Variants in NELL1 observed in about 807,000 individuals in gnomAD.
NELL1 encodes protein kinase C-binding protein NELL1.
NELL1 carries 76 observed loss-of-function variants against 107.4 expected under a neutral mutation model. The ratio of observed to expected loss-of-function variants is 0.71; its 90% confidence interval spans 0.59 to 0.86. The LOEUF (loss-of-function observed/expected upper bound fraction) is 0.86, where lower values mean the gene tolerates loss of function less well. Among genes scored for constraint, NELL1 ranks in the 40% least tolerant of loss-of-function variants. NELL1 has a pLI of 0.00. For missense variants in NELL1, 1,024 were observed against 1,005.5 expected (o/e 1.02, Z -0.25); for synonymous variants, 353 against 341.2 (o/e 1.03, Z -0.38).
chr11:21,513,401 T>C (rs558127812), intron 15 of NELL1, among the ~76,000 whole-genome samples: 1 of 152,312 alleles, frequency 6.6e-6, no homozygotes, highest in African/African-American at 2.4e-5. Flanking sequence ...TCTGTGTGTG[T>C]GAGAGAGACA....
chr11:21,335,762 T>A (rs948353420), intron 14 of NELL1, among the ~76,000 whole-genome samples: 1 of 152,100 alleles, frequency 6.6e-6, no homozygotes, highest in Non-Finnish European at 1.5e-5. Flanking sequence ...CAAGCCATTA[T>A]GTTTTGTATA....
chr11:21,243,330 T>G (rs1253501669), intron 14 of NELL1, among the ~76,000 whole-genome samples: 2 of 149,588 alleles, frequency 1.3e-5, no homozygotes, highest in Admixed American at 1.3e-4. Context: ...CATATCTTTC[T>G]GAAGCATAGG....
intron 2 of NELL1, among the ~76,000 whole-genome samples, chr11:20,724,223 C>T (rs1440331313): frequency 1.3e-5 from 2 of 152,260 alleles, no homozygotes; most frequent in Non-Finnish European, 2.9e-5. Context: ...AGTTAACATT[C>T]AGCTCCTTGT....
intron 13 of NELL1, among the ~76,000 whole-genome samples, chr11:21,164,627 G>C (rs1224281808): frequency 6.6e-6 from 1 of 152,136 alleles, no homozygotes; most frequent in African/African-American, 2.4e-5. Flanking sequence ...AAATCATAGT[G>C]TTATAAAATG....
At chr11:20,754,058 T>C (rs531371948) in intron 2 of NELL1, among the ~76,000 whole-genome samples, 1 of 152,244 alleles carries the variant, frequency 6.6e-6, no homozygotes, top group African/African-American at 2.4e-5. Context: ...TGCCTACCCA[T>C]AGAGTTGCAG....
At chr11:21,351,567 G>A (rs996093499) in intron 14 of NELL1, among the ~76,000 whole-genome samples, 1 of 151,822 alleles carries the variant, frequency 6.6e-6, no homozygotes, top group Non-Finnish European at 1.5e-5. Context: ...TTCTATAGGT[G>A]GAAGGAAAGA....
intron 14 of NELL1, among the ~76,000 whole-genome samples, chr11:21,242,923 G>T (rs900267621): frequency 1.4e-4 from 21 of 152,074 alleles, no homozygotes; most frequent in African/African-American, 4.6e-4. Flanking sequence ...CTGAGCTCTG[G>T]ACCTTTCATA....
chr11:21,571,138 T>C (rs1198349600), intron 18 of NELL1, among the ~76,000 whole-genome samples, 198 bp downstream of exon 18: 3 of 151,860 alleles, frequency 2.0e-5, no homozygotes, highest in African/African-American at 7.2e-5. Flanking sequence ...AAAGCACATA[T>C]TTATGGGACA....
intron 13 of NELL1, among the ~76,000 whole-genome samples, chr11:21,212,183 A>G (rs1857511880): frequency 6.6e-6 from 1 of 152,140 alleles, no homozygotes; most frequent in African/African-American, 2.4e-5. Context: ...TATTAATATA[A>G]TATTAGGCCA....
chr11:20,938,110 C>A (rs1195616980), intron 10 of NELL1, among the ~76,000 whole-genome samples: 4 of 152,120 alleles, frequency 2.6e-5, no homozygotes, highest in African/African-American at 9.7e-5. Flanking sequence ...GGAGAAAGAA[C>A]TAACAGCTGT....
intron 10 of NELL1, among the ~76,000 whole-genome samples, chr11:20,945,626 A>C (rs539237611): frequency 1.1e-4 from 17 of 152,244 alleles, no homozygotes; most frequent in Non-Finnish European, 1.6e-4. Context: ...AGAGGCAATA[A>C]TGGTAAGTAA....
intron 4 of NELL1, among the ~76,000 whole-genome samples, chr11:20,876,284 C>T (rs1372888814): frequency 6.6e-6 from 1 of 152,130 alleles, no homozygotes; most frequent in Admixed American, 6.5e-5. Flanking sequence ...GATATAATGC[C>T]TGAGGTGCAT....
chr11:21,228,319 C>T (rs539117308), intron 13 of NELL1, among the ~76,000 whole-genome samples: 6 of 152,250 alleles, frequency 3.9e-5, no homozygotes, highest in South Asian at 2.1e-4. Context: ...AGGGTTAGAT[C>T]GGTTTCCCTC....
At chr11:21,471,783 A>G (rs1854190499) in intron 15 of NELL1, among the ~76,000 whole-genome samples, 1 of 152,084 alleles carries the variant, frequency 6.6e-6, no homozygotes, top group Non-Finnish European at 1.5e-5. Flanking sequence ...CATGCTCTTT[A>G]TCAATTCACT....
Position 21,384,536 on chromosome 11 carries a change from G to A in NELL1, c.1645+13588G>A, listed in dbSNP as rs557221482. On this transcript the variant is annotated intron_variant, in intron 15 of 19. Coordinates refer to ENST00000357134, the MANE Select transcript of NELL1 (RefSeq NM_006157.5). The stretch of plus-strand genomic sequence containing the variant: ...AGGTATACATGTGCCATGCTGGTGC[G>A]CTGCACCCACTAACTCGTCATCTAG... 5.9e-4 allele frequency among the ~76,000 whole-genome samples: 90 copies of A among 151,912 alleles called. 1 individual carries two copies. Among genetic ancestry groups the A allele is most frequent in the Admixed American group, 9.8e-4 (15 of 15,238 alleles).
intron 15 of NELL1, among the ~76,000 whole-genome samples, chr11:21,428,712 G>A (rs1436516387): frequency 6.6e-6 from 1 of 152,084 alleles, no homozygotes; most frequent in Non-Finnish European, 1.5e-5. Flanking sequence ...GGAGAGGCTT[G>A]GTGATTATCA....
chr11:21,562,920 C>G (rs895290928), intron 17 of NELL1, among the ~76,000 whole-genome samples: 1 of 152,144 alleles, frequency 6.6e-6, no homozygotes, highest in Middle Eastern at 3.4e-3. Context: ...ATAAAAAGGC[C>G]TTGAAACATG....
chr11:21,022,624 G>A (rs1040079993), intron 12 of NELL1, among the ~76,000 whole-genome samples: 1 of 152,234 alleles, frequency 6.6e-6, no homozygotes, highest in South Asian at 2.1e-4. Context: ...ACTTGGAAGA[G>A]TTCATCTTTC....
At chr11:20,960,304 A>G in intron 11 of NELL1, 128 bp from the exon 12 acceptor site, 1 of 944,740 alleles carries the variant, frequency 1.1e-6, no homozygotes, top group Non-Finnish European at 1.6e-6. Context: ...TATCCAGTTT[A>G]TCCGTGCATA....
Sources: gnomAD v4.1 joint callset for allele counts (sites outside exome capture counted in the v4.1 genomes callset) on GRCh38, gnomAD v4.1.1 for gene constraint, MANE v1.5 for transcripts, NCBI Gene and HGNC (gene_info 2026-07-23, HGNC 2026-07-21) for gene names.